The following PYGB variants were observed in gnomAD, a reference collection of about 807,000 sequenced individuals.
PYGB encodes glycogen phosphorylase B.
In PYGB, 82 loss-of-function variants were observed where a neutral mutation model predicts 94.3. That is an observed-to-expected ratio of 0.87 (90% CI 0.73 to 1.04). PYGB has a LOEUF of 1.04. Ranked by LOEUF, PYGB falls within the 50% of genes least tolerant of loss-of-function variation. The pLI is 0.00. For synonymous variants in PYGB, 488 were observed against 479.1 expected, an observed-to-expected ratio of 1.02 and a Z score of -0.24; for missense variants, 1,132 against 1,158.2, an observed-to-expected ratio of 0.98 and a Z score of 0.33.
intron 9 of PYGB, 139 bp downstream of exon 9, chr20:25,279,288 C>A (rs2088344230): frequency 2.2e-6 from 2 of 912,770 alleles, no homozygotes; most frequent in Non-Finnish European, 3.3e-6. Flanking sequence ...GAGACGCGAG[C>A]TGTGGGAGGG....
intron 4 of PYGB, among the ~76,000 whole-genome samples, chr20:25,274,268 G>A (rs1450472183): frequency 6.6e-6 from 1 of 152,170 alleles, no homozygotes; most frequent in Non-Finnish European, 1.5e-5. Flanking sequence ...TGTGATGCGT[G>A]GTATTTTTGT....
At position 25,280,316 on chromosome 20, in the gene PYGB, G is replaced by GC; in HGVS notation, c.1145dup (p.Glu383Ter). 1 of 1,614,148 alleles carries GC rather than the reference G, an allele frequency of 6.2e-7. No homozygotes were observed. Among genetic ancestry groups the GC allele is most frequent in the Non-Finnish European group, 8.5e-7 (1 of 1,179,956 alleles). ...GTGCATACACCAACCACACTGTGCTGCCTGAGGCCTTGGAGCGCTGGCCCG... is the reference window on the plus strand; with the variant it reads ...GTGCATACACCAACCACACTGTGCTGCCCTGAGGCCTTGGAGCGCTGGCCCG... On this transcript the variant is annotated frameshift_variant, in exon 10 of 20. Transcript: ENST00000216962. LOFTEE classifies it high-confidence loss of function.
chr20:25,250,494 A>G (rs2092884682), intron 1 of PYGB, among the ~76,000 whole-genome samples: 1 of 152,216 alleles, frequency 6.6e-6, no homozygotes, highest in Non-Finnish European at 1.5e-5. Context: ...ACAGTGTGTA[A>G]ATAAGCTGTG....
At position 25,297,348 on chromosome 20, in the gene PYGB, A is replaced by T. The variant is rs2088563569; in HGVS notation, c.*826A>T. 6.6e-6 allele frequency: 1 copy of T among 152,334 alleles called. No individual in the cohort carries two copies. The highest frequency in any genetic ancestry group is 2.4e-5 in the African/African-American group (1 of 41,454). 9.4% of individuals were successfully genotyped at this position (152,334 alleles called of 1,614,324 possible). A position where few individuals can be genotyped will look rare whatever the true frequency, so the allele number is the denominator to read the frequency against. ...AGCCTTTTCTTGTTTTAGCAACTGAAAATTGTACTTGGTCACTTTTGTGCT... is the reference window on the plus strand; with the variant it reads ...AGCCTTTTCTTGTTTTAGCAACTGATAATTGTACTTGGTCACTTTTGTGCT... On this transcript the variant is annotated 3_prime_UTR_variant, in exon 20 of 20. Transcript: ENST00000216962.
chr20:25,292,141 A>G (rs541251000), intron 16 of PYGB, among the ~76,000 whole-genome samples: 24 of 152,252 alleles, frequency 1.6e-4, no homozygotes, highest in African/African-American at 4.6e-4. Flanking sequence ...CACAGATCCT[A>G]TGCCACCTGG....
chr20:25,295,520 C>T, intron 18 of PYGB, 84 bp from the exon 19 acceptor site: 4 of 1,461,192 alleles, frequency 2.7e-6, no homozygotes, highest in Non-Finnish European at 3.8e-6. Context: ...TGGTGCCTGG[C>T]CTCCTGCCCT....
chr20:25,250,686 G>T (rs2092885170), intron 1 of PYGB, among the ~76,000 whole-genome samples: 1 of 152,120 alleles, frequency 6.6e-6, no homozygotes, highest in Non-Finnish European at 1.5e-5. Flanking sequence ...AATAACTGCT[G>T]TGCCTCCCCC....
chr20:25,280,922 C>T, intron 10 of PYGB, 27 bp from the exon 11 acceptor site: 1 of 1,610,680 alleles, frequency 6.2e-7, no homozygotes, highest in Non-Finnish European at 8.5e-7. Flanking sequence ...CTGTGCCCAC[C>T]CACCTGCCTC....
Position 25,271,363 on chromosome 20 carries a change from T to C in PYGB, c.425-20T>C, listed in dbSNP as rs112099262. 2.2e-4 allele frequency: 349 copies of C among 1,609,088 alleles called. 1 individual carries two copies. The African/African-American group carries it at 3.9e-3, about 18-fold the overall frequency. On this transcript the variant is annotated intron_variant, in intron 3 of 19. Transcript: ENST00000216962. ...GTGCCGTGCCTTTGATTCTGACTGA[T>C]TTGTGATTGATTTTTTCAGCGTGTT...
intron 10 of PYGB, 108 bp downstream of exon 10, chr20:25,280,520 C>T: frequency 7.0e-7 from 1 of 1,429,614 alleles, no homozygotes; most frequent in South Asian, 1.3e-5. Context: ...GAGGCACCCT[C>T]TGTTCAGCAG....
intron 14 of PYGB, among the ~76,000 whole-genome samples, chr20:25,286,721 C>T (rs938562218): frequency 1.3e-5 from 2 of 152,158 alleles, no homozygotes; most frequent in African/African-American, 4.8e-5. Context: ...TGTGAGGGTG[C>T]CCTTGTGGGA....
chr20:25,288,691 A>G (rs770083087), intron 15 of PYGB: 118 of 606,214 alleles, frequency 1.9e-4, no homozygotes, highest in Non-Finnish European at 2.9e-4. Context: ...AGCTCACTGG[A>G]GGGGTCCCCA....
Position 25,296,424 on chromosome 20 carries a change from T to C in PYGB, c.2434T>C (p.Phe812Leu). The change falls in exon 20 of 20, where the codon TTC becomes CTC. Residue 812 changes from phenylalanine (F) to leucine (L), a missense_variant. Phe to Leu is a conservative substitution (Grantham distance 22). Coordinates refer to ENST00000216962, the MANE Select transcript of PYGB (RefSeq NM_002862.4). Reference sequence around the variant, plus strand: ...CAGGAACATCGCCTGCTCGGGCAAGTTCTCCAGTGACCGGACCATCACGGA... The same window carrying C: ...CAGGAACATCGCCTGCTCGGGCAAGCTCTCCAGTGACCGGACCATCACGGA... ...VIRNIACSGK[F>L]SSDRTITEYA... 1 of 1,614,070 alleles carries C rather than the reference T, an allele frequency of 6.2e-7. No homozygotes were observed. Among genetic ancestry groups the C allele is most frequent in the Non-Finnish European group, 8.5e-7 (1 of 1,180,016 alleles).
intron 3 of PYGB, 83 bp downstream of exon 3, chr20:25,269,290 T>C: frequency 2.5e-6 from 3 of 1,186,576 alleles, no homozygotes; most frequent in East Asian, 2.4e-5. Context: ...GTCAGGTAAA[T>C]TGGCCTCAGG....
rs201771321 is a variant in PYGB, at chr20:25,280,412, C to T, written c.1239C>T (p.Asp413=). 1.7e-5 allele frequency: 28 copies of T among 1,613,826 alleles called. No homozygotes were observed. The highest frequency in any genetic ancestry group is 1.3e-4 in the South Asian group (12 of 91,066). Residue 413 remains aspartate (D), a splice_region_variant and synonymous_variant, in exon 10 of 20, where the codon GAC becomes GAT. Coordinates refer to ENST00000216962, the MANE Select transcript of PYGB (RefSeq NM_002862.4). ...ATGCCATCAACCAGCGGCACCTGGACGTGAGTGTGGGCCCAGCTGGCCGTG... is the reference window on the plus strand; with the variant it reads ...ATGCCATCAACCAGCGGCACCTGGATGTGAGTGTGGGCCCAGCTGGCCGTG... The part of the protein sequence containing the change: ...IIYAINQRHL[D]HVAALFPGDV...
At chr20:25,283,890 C>T (rs1388723666) in intron 13 of PYGB, among the ~76,000 whole-genome samples, 1 of 152,110 alleles carries the variant, frequency 6.6e-6, no homozygotes, top group East Asian at 1.9e-4. Flanking sequence ...CTCACTTATC[C>T]CCTACTCTTG....
intron 18 of PYGB, 59 bp from the exon 19 acceptor site, chr20:25,295,545 G>A (rs1411945715): frequency 3.2e-6 from 5 of 1,551,986 alleles, no homozygotes; most frequent in East Asian, 2.2e-5. Context: ...CTCTCCCCTC[G>A]GGACAGTGTG....
Position 25,281,015 on chromosome 20 carries a change from GA to G in PYGB, c.1307del (p.Asp436AlafsTer12). 1 of 1,614,202 alleles carries G rather than the reference GA, an allele frequency of 6.2e-7. No homozygotes were observed. Among genetic ancestry groups the G allele is most frequent in the Non-Finnish European group, 8.5e-7 (1 of 1,180,024 alleles). On this transcript the variant is annotated frameshift_variant, in exon 11 of 20. Coordinates refer to ENST00000216962, the MANE Select transcript of PYGB (RefSeq NM_002862.4). LOFTEE classifies it high-confidence loss of function. The part of the protein sequence containing the change: ...LRRMSVIEEG[D>X]CKRINMAHLC... The stretch of plus-strand genomic sequence containing the variant: ...CAGGATGTCTGTGATCGAGGAGGGG[GA>G]CTGCAAGCGGATCAACATGGCCCAC...
chr20:25,248,384 TC>T lies in PYGB; in HGVS notation c.208del (p.Arg70AlafsTer32). 3.8e-6 allele frequency: 6 copies of T among 1,590,850 alleles called. No homozygotes were observed. The highest frequency in any genetic ancestry group is 5.1e-6 in the Non-Finnish European group (6 of 1,170,134). On this transcript the variant is annotated frameshift_variant, in exon 1 of 20. Transcript: ENST00000216962. LOFTEE classifies it high-confidence loss of function. ...CGCGACCACCTCGTGGGCCGCTGGA[TC>T]CGCACGCAGCAGCACTACTACGAGC... ...TVRDHLVGRW[I>X]RTQQHYYERD...
Sources: gnomAD v4.1 joint callset for allele counts (sites outside exome capture counted in the v4.1 genomes callset) on GRCh38, gnomAD v4.1.1 for gene constraint, MANE v1.5 for transcripts, NCBI Gene and HGNC (gene_info 2026-07-23, HGNC 2026-07-21) for gene names.